The following OTUD7A variants were observed in gnomAD, a reference collection of about 807,000 sequenced individuals.
OTUD7A encodes OTU domain-containing protein 7A.
A neutral mutation model predicts 65.7 loss-of-function variants in OTUD7A; 12 were observed. That is an observed-to-expected ratio of 0.18 (90% CI 0.12 to 0.30). The LOEUF (loss-of-function observed/expected upper bound fraction) is 0.30, where lower values mean the gene tolerates loss of function less well. OTUD7A is among the 10% of genes least tolerant of loss of function. The pLI is 1.00. For missense variants in OTUD7A, 1,148 were observed against 1,304.8 expected (o/e 0.88, Z 1.85); for synonymous variants, 641 against 586.3 (o/e 1.09, Z -1.35).
At chr15:31,640,318 G>C (rs1395630926) in intron 3 of OTUD7A, among the ~76,000 whole-genome samples, 5 of 152,104 alleles carry the variant, frequency 3.3e-5, no homozygotes, top group African/African-American at 1.2e-4. Flanking sequence ...CTGCTCGGGT[G>C]ATGGGTGCAC....
chr15:31,539,514 G>A (rs1004721236), intron 5 of OTUD7A, among the ~76,000 whole-genome samples: 39 of 152,018 alleles, frequency 2.6e-4, no homozygotes, highest in African/African-American at 8.7e-4. Context: ...AAGAGAGAAT[G>A]TTTTTCAAAA....
chr15:31,510,541 G>A (rs1271831919), intron 8 of OTUD7A, among the ~76,000 whole-genome samples: 19 of 122,844 alleles, frequency 1.5e-4, no homozygotes, highest in African/African-American at 5.6e-4. Context: ...ACATACATAT[G>A]TATATCTATA....
At chr15:31,495,422 CT>C (rs989337086) in intron 10 of OTUD7A, among the ~76,000 whole-genome samples, 7 of 152,200 alleles carry the variant, frequency 4.6e-5, no homozygotes, top group African/African-American at 1.4e-4. Context: ...CCTCATGGTG[CT>C]TTGTGATCTG....
intron 1 of OTUD7A, among the ~76,000 whole-genome samples, chr15:31,693,230 A>C (rs1283524920): frequency 6.6e-6 from 1 of 152,288 alleles, no homozygotes; most frequent in African/African-American, 2.4e-5. Flanking sequence ...ACTTCTGGAA[A>C]TAAAGAGGAG....
intron 1 of OTUD7A, among the ~76,000 whole-genome samples, chr15:31,801,458 A>G (rs1210963266): frequency 1.3e-5 from 2 of 152,130 alleles, no homozygotes; most frequent in Non-Finnish European, 2.9e-5. Context: ...CTCTGGGCAA[A>G]CTCTGGGCTG....
In OTUD7A at chr15:31,802,141, G is replaced by GTGTGTA. The variant is rs553698632; in HGVS notation, c.-100+68365_-100+68366insTACACA. Among the ~76,000 whole-genome samples the GTGTGTA allele has an allele frequency of 5.9e-3, 839 of 142,536 alleles. 4 individuals are homozygous for GTGTGTA. The highest frequency in any genetic ancestry group is 0.011 in the African/African-American group (395 of 37,488). The allele number at this position is 142,536 out of a possible 152,430, so 93.5% of individuals were successfully genotyped here. On this transcript the variant is annotated intron_variant, in intron 1 of 12. Transcript: ENST00000307050. The stretch of plus-strand genomic sequence containing the variant: ...TGTGTGTGTGTGTGTGTGTGTGTGT[G>GTGTGTA]TATATATATATATGTAAAGGGGAGT...
In OTUD7A at chr15:31,483,364, TC is replaced by T; in HGVS notation, c.2731del (p.Glu911SerfsTer76). The T allele has an allele frequency of 7.7e-7, 1 of 1,292,130 alleles. No homozygotes were observed. The highest frequency in any genetic ancestry group is 3.6e-5 in the East Asian group (1 of 27,480). The allele number at this position is 1,292,130 out of a possible 1,614,324, so 80.0% of individuals were successfully genotyped here. A position where few individuals can be genotyped will look rare whatever the true frequency, so the allele number is the denominator to read the frequency against. The stretch of plus-strand genomic sequence containing the variant: ...GCGGTAGCAGTAGGAGCAGTAGTGC[TC>T]GGTCTCGGCGCGCCCGTAGAACGCA... ...NCAFYGRAETEHYCSYCYREE... is the reference protein window; with the variant it reads ...NCAFYGRAETXHYCSYCYREE... On this transcript the variant is annotated frameshift_variant, in exon 13 of 13. Coordinates refer to ENST00000307050, the MANE Select transcript of OTUD7A (RefSeq NM_001382637.1). LOFTEE classifies it high-confidence loss of function.
At chr15:31,793,137 C>T in intron 1 of OTUD7A, among the ~76,000 whole-genome samples, 1 of 152,164 alleles carries the variant, frequency 6.6e-6, no homozygotes, top group Non-Finnish European at 1.5e-5. Context: ...CCCAACCCCC[C>T]ATGCACCTTC....
intron 1 of OTUD7A, among the ~76,000 whole-genome samples, chr15:31,668,874 A>G (rs959119092): frequency 2.8e-4 from 42 of 152,052 alleles, no homozygotes; most frequent in African/African-American, 1.0e-3. Flanking sequence ...TGCTTTTCCT[A>G]TAACTGTGGC....
At chr15:31,570,684 CTT>C (rs1439873076) in intron 3 of OTUD7A, among the ~76,000 whole-genome samples, 6 of 152,172 alleles carry the variant, frequency 3.9e-5, no homozygotes, top group African/African-American at 1.4e-4. Flanking sequence ...GAGGGATTCT[CTT>C]GTTAGTGAGC....
chr15:31,628,437 G>T (rs1891034238), intron 3 of OTUD7A, among the ~76,000 whole-genome samples: 1 of 152,130 alleles, frequency 6.6e-6, no homozygotes, highest in Non-Finnish European at 1.5e-5. Context: ...GCTCTCTTCT[G>T]TTCCATTGAT....
intron 1 of OTUD7A, among the ~76,000 whole-genome samples, chr15:31,780,508 C>T (rs1369663328): frequency 1.3e-5 from 2 of 152,196 alleles, no homozygotes; most frequent in African/African-American, 4.8e-5. Flanking sequence ...GGGAAGGTGG[C>T]TACCTGACTC....
chr15:31,624,638 T>C (rs1310589594), intron 3 of OTUD7A, among the ~76,000 whole-genome samples: 1 of 152,150 alleles, frequency 6.6e-6, no homozygotes, highest in Admixed American at 6.6e-5. Flanking sequence ...TTATGTTCCA[T>C]TTCAGTGTTG....
At chr15:31,862,669 T>C (rs1353113663) in intron 1 of OTUD7A, among the ~76,000 whole-genome samples, 3 of 59,406 alleles carry the variant, frequency 5.0e-5, no homozygotes, top group African/African-American at 9.8e-5. Context: ...AACCTCCCCC[T>C]GAGTCCCTCC....
chr15:31,682,636 C>T (rs1242068339), intron 1 of OTUD7A, among the ~76,000 whole-genome samples: 1 of 152,174 alleles, frequency 6.6e-6, no homozygotes, highest in Admixed American at 6.5e-5. Context: ...GATGCTGGAG[C>T]AAATGGACTT....
At chr15:31,599,568 C>T (rs1228100965) in intron 3 of OTUD7A, among the ~76,000 whole-genome samples, 1 of 152,108 alleles carries the variant, frequency 6.6e-6, no homozygotes, top group Non-Finnish European at 1.5e-5. Flanking sequence ...TTCCAAAAAC[C>T]AGAACGCCTC....
chr15:31,844,205 G>A (rs1032678097), intron 1 of OTUD7A, among the ~76,000 whole-genome samples: 2 of 152,226 alleles, frequency 1.3e-5, no homozygotes, highest in African/African-American at 4.8e-5. Flanking sequence ...ACAGAAAAGA[G>A]AATCAAGAAT....
chr15:31,669,642 C>T (rs1356194537), intron 1 of OTUD7A, among the ~76,000 whole-genome samples: 2 of 152,148 alleles, frequency 1.3e-5, no homozygotes, highest in Non-Finnish European at 2.9e-5. Context: ...AGATTCGCAC[C>T]CTCCCCTGAG....
intron 3 of OTUD7A, among the ~76,000 whole-genome samples, chr15:31,627,545 A>G (rs912841545): frequency 6.6e-6 from 1 of 152,140 alleles, no homozygotes; most frequent in Non-Finnish European, 1.5e-5. Context: ...GTGCTGCAAT[A>G]AACATACGTG....
Sources: gnomAD v4.1 joint callset for allele counts (sites outside exome capture counted in the v4.1 genomes callset) on GRCh38, gnomAD v4.1.1 for gene constraint, MANE v1.5 for transcripts, NCBI Gene and HGNC (gene_info 2026-07-23, HGNC 2026-07-21) for gene names.